The following CTNNA3 variants were observed in gnomAD, a reference collection of about 807,000 sequenced individuals.
CTNNA3 encodes the protein catenin alpha 3, also known as catenin alpha-3.
In CTNNA3, 76 loss-of-function variants were observed where a neutral mutation model predicts 95.7. The ratio of observed to expected loss-of-function variants is 0.79; its 90% CI spans 0.66 to 0.96. The LOEUF (loss-of-function observed/expected upper bound fraction) is 0.96, where lower values mean the gene tolerates loss of function less well. Among genes scored for constraint, CTNNA3 ranks in the 40% least tolerant of loss-of-function variants. CTNNA3 has a pLI of 0.00. For synonymous variants in CTNNA3, 431 were observed against 374.4 expected (o/e 1.15, Z -1.74); for missense variants, 1,191 against 1,089.8 (o/e 1.09, Z -1.31).
At chr10:65,979,163 C>G (rs2078268709) in intron 16 of CTNNA3, among the ~76,000 whole-genome samples, 1 of 152,076 alleles carries the variant, frequency 6.6e-6, no homozygotes, top group African/African-American at 2.4e-5. Context: ...AGAATTGTTT[C>G]AAATTCCTTT....
chr10:65,962,011 G>A (rs1022318276), intron 17 of CTNNA3, among the ~76,000 whole-genome samples: 2 of 152,056 alleles, frequency 1.3e-5, no homozygotes, highest in Non-Finnish European at 2.9e-5. Context: ...CCGCCCATTC[G>A]CAGACTCACT....
At chr10:66,356,122 G>GTTTTTTTTTTTT (rs59366031) in intron 12 of CTNNA3, among the ~76,000 whole-genome samples, 4 of 117,226 alleles carry the variant, frequency 3.4e-5, no homozygotes, top group African/African-American at 1.1e-4. Context: ...TGCTTGTTTT[G>GTTTTTTTTTTTT]TTTTTTTTTT....
chr10:66,588,106 C>A (rs1843421315), intron 10 of CTNNA3, among the ~76,000 whole-genome samples: 3 of 152,054 alleles, frequency 2.0e-5, no homozygotes, highest in African/African-American at 7.2e-5. Flanking sequence ...AAAGTGCAGG[C>A]AATGTGCATC....
At chr10:67,173,530 A>T (rs760864769) in intron 7 of CTNNA3, among the ~76,000 whole-genome samples, 4 of 152,170 alleles carry the variant, frequency 2.6e-5, no homozygotes, top group Non-Finnish European at 1.5e-5. Context: ...CTGTCCCAAC[A>T]AAACTTTTTT....
chr10:67,726,487 C>G (rs936238478), intron 1 of CTNNA3, among the ~76,000 whole-genome samples: 1 of 46,178 alleles, frequency 2.2e-5, no homozygotes, highest in Non-Finnish European at 3.5e-5. Flanking sequence ...TATATTATAT[C>G]ATATACAATA....
At chr10:66,081,342 T>G (rs1398256743) in intron 14 of CTNNA3, among the ~76,000 whole-genome samples, 5 of 152,036 alleles carry the variant, frequency 3.3e-5, no homozygotes, top group African/African-American at 1.2e-4. Context: ...CCAGGCCTGG[T>G]GGCTCATGGC....
intron 13 of CTNNA3, among the ~76,000 whole-genome samples, chr10:66,201,263 G>C (rs1243265836): frequency 6.6e-6 from 1 of 152,068 alleles, no homozygotes; most frequent in Non-Finnish European, 1.5e-5. Flanking sequence ...CCTTCCTAAG[G>C]ATTTTTTTCC....
At chr10:67,310,854 G>A (rs1235981212) in intron 5 of CTNNA3, among the ~76,000 whole-genome samples, 3 of 152,182 alleles carry the variant, frequency 2.0e-5, no homozygotes, top group Non-Finnish European at 2.9e-5. Flanking sequence ...TATAATTCAA[G>A]ATGAGACTTG....
chr10:66,710,206 C>T (rs1384971371), intron 9 of CTNNA3, among the ~76,000 whole-genome samples: 2 of 152,170 alleles, frequency 1.3e-5, no homozygotes, highest in Non-Finnish European at 1.5e-5. Context: ...TGTCTTCACA[C>T]ATTCCACTTC....
At position 66,280,517 on chromosome 10, in the gene CTNNA3, T is replaced by A. The variant is rs1442199213; in HGVS notation, c.1837A>T (p.Ile613Phe). 6.2e-7 allele frequency: 1 copy of A among 1,609,812 alleles called. No homozygotes were observed. Among genetic ancestry groups the A allele is most frequent in the East Asian group, 2.2e-5 (1 of 44,650 alleles). ...CTGATATCATGAATTGTATCATAGA[T>A]CTTCTTTGAGATGTCCACAAATTGA... is the stretch of plus-strand genomic sequence containing the variant. ...DNQFVDISKK[I>F]YDTIHDIRCS... The change falls in exon 13 of 18, where the codon ATC becomes TTC. Residue 613 changes from isoleucine (I) to phenylalanine (F), a missense_variant. Transcript: ENST00000433211.
intron 7 of CTNNA3, among the ~76,000 whole-genome samples, chr10:67,170,166 T>C (rs1372934932): frequency 6.6e-6 from 1 of 152,134 alleles, no homozygotes; most frequent in African/African-American, 2.4e-5. Flanking sequence ...TTATATACTG[T>C]TGGTAGGAGT....
intron 4 of CTNNA3, among the ~76,000 whole-genome samples, 194 bp from the exon 5 acceptor site, chr10:67,522,155 T>C (rs946174286): frequency 6.6e-6 from 1 of 152,130 alleles, no homozygotes; most frequent in Non-Finnish European, 1.5e-5. Context: ...ATTCTAAGTA[T>C]AACCAACATT....
intron 12 of CTNNA3, among the ~76,000 whole-genome samples, chr10:66,352,261 C>T (rs2092572410): frequency 1.3e-5 from 2 of 152,216 alleles, no homozygotes; most frequent in South Asian, 4.1e-4. Flanking sequence ...TACCCTCCCT[C>T]CTTGTATCTC....
At chr10:67,058,948 A>T (rs1329854599) in intron 7 of CTNNA3, among the ~76,000 whole-genome samples, 6 of 152,234 alleles carry the variant, frequency 3.9e-5, no homozygotes, top group Non-Finnish European at 7.3e-5. Context: ...ATCACCAAAA[A>T]AAGGCAAGAA....
intron 5 of CTNNA3, among the ~76,000 whole-genome samples, chr10:67,290,541 TG>T (rs1389306360): frequency 6.6e-6 from 1 of 152,198 alleles, no homozygotes; most frequent in Non-Finnish European, 1.5e-5. Context: ...AAGCATTTTA[TG>T]TGTATTATCA....
chr10:67,507,552 A>C (rs1181173773), intron 5 of CTNNA3, among the ~76,000 whole-genome samples: 1 of 151,828 alleles, frequency 6.6e-6, no homozygotes, highest in Non-Finnish European at 1.5e-5. Context: ...AAAGGAAAGA[A>C]ACAAAGAAAA....
At chr10:67,205,985 T>C (rs991101343) in intron 6 of CTNNA3, among the ~76,000 whole-genome samples, 1 of 152,154 alleles carries the variant, frequency 6.6e-6, no homozygotes, top group Non-Finnish European at 1.5e-5. Context: ...ACCATCTCTT[T>C]TAAATATAAT....
At chr10:66,211,038 A>G (rs948648284) in intron 13 of CTNNA3, among the ~76,000 whole-genome samples, 19 of 152,186 alleles carry the variant, frequency 1.2e-4, no homozygotes, top group Admixed American at 6.6e-4. Context: ...ACGTTTTGGG[A>G]ACATTCCATC....
chr10:66,649,158 A>G (rs1305239539), intron 9 of CTNNA3, among the ~76,000 whole-genome samples: 3 of 152,192 alleles, frequency 2.0e-5, no homozygotes, highest in African/African-American at 7.2e-5. Flanking sequence ...CAAACATTGC[A>G]ATGATTTCAG....
Sources: allele counts gnomAD v4.1 joint callset (sites outside exome capture counted in the v4.1 genomes callset), GRCh38; gene constraint gnomAD v4.1.1; transcripts MANE v1.5; gene names NCBI Gene and HGNC (gene_info 2026-07-23, HGNC 2026-07-21).